ARHGEF28: variants seen among roughly 807,000 people sequenced by gnomAD.
The protein encoded by ARHGEF28 is Rho guanine nucleotide exchange factor 28.
Under a neutral mutation model 206.6 loss-of-function variants are expected in ARHGEF28, and 152 were observed. The ratio of observed to expected loss-of-function variants is 0.74; its 90% confidence interval spans 0.64 to 0.84. The LOEUF (loss-of-function observed/expected upper bound fraction) is 0.84, where lower values mean the gene tolerates loss of function less well. Ranked by LOEUF, ARHGEF28 falls within the 40% of genes least tolerant of loss-of-function variation. ARHGEF28 has a pLI of 0.00. For missense variants in ARHGEF28, 2,028 were observed against 2,073.2 expected (o/e 0.98, Z 0.42); for synonymous variants, 763 against 776.4 (o/e 0.98, Z 0.29).
intron 2 of ARHGEF28, among the ~76,000 whole-genome samples, chr5:73,718,223 AG>A (rs1226472853): frequency 6.6e-6 from 1 of 152,130 alleles, no homozygotes; most frequent in Non-Finnish European, 1.5e-5. Flanking sequence ...GACCTCCCAA[AG>A]TTATACTCAG....
At chr5:73,786,018 C>T (rs1201890784) in intron 7 of ARHGEF28, among the ~76,000 whole-genome samples, 1 of 149,768 alleles carries the variant, frequency 6.7e-6, no homozygotes, top group Non-Finnish European at 1.5e-5. Context: ...GTATTGACTG[C>T]CCATCACTTT....
At chr5:73,814,372 A>T (rs1383760239) in intron 9 of ARHGEF28, among the ~76,000 whole-genome samples, 2 of 151,972 alleles carry the variant, frequency 1.3e-5, no homozygotes, top group Non-Finnish European at 2.9e-5. Context: ...ATTCTCTCTT[A>T]CTTGCAATCC....
intron 13 of ARHGEF28, 108 bp from the exon 14 acceptor site, chr5:73,852,542 C>A: frequency 3.3e-6 from 3 of 909,220 alleles, no homozygotes; most frequent in Non-Finnish European, 5.3e-6. Flanking sequence ...TATTTTCTAG[C>A]TGGTAGTGTG....
At chr5:73,739,920 C>T (rs948384660) in intron 2 of ARHGEF28, among the ~76,000 whole-genome samples, 11 of 149,246 alleles carry the variant, frequency 7.4e-5, no homozygotes, top group African/African-American at 2.2e-4. Context: ...GTAATTCCAG[C>T]GCTTTGGGAG....
At chr5:73,916,714 G>A (rs1318437099) in intron 35 of ARHGEF28, among the ~76,000 whole-genome samples, 1 of 151,868 alleles carries the variant, frequency 6.6e-6, no homozygotes, top group African/African-American at 2.4e-5. Flanking sequence ...AATTTTGGGG[G>A]GACACAGTTC....
chr5:73,890,399 A>G (rs1270282585), intron 26 of ARHGEF28, among the ~76,000 whole-genome samples: 1 of 152,206 alleles, frequency 6.6e-6, no homozygotes, highest in Non-Finnish European at 1.5e-5. Context: ...TACATTGCAC[A>G]TTGCATCAGG....
intron 2 of ARHGEF28, among the ~76,000 whole-genome samples, chr5:73,735,576 A>C (rs13355957): frequency 0.098 from 14,882 of 152,208 alleles, 1,077 homozygotes; most frequent in African/African-American, 0.21. Context: ...CCAGAGCAGC[A>C]GGGTACTGAG....
chr5:73,851,963 G>T (rs1413473537), intron 13 of ARHGEF28, among the ~76,000 whole-genome samples: 6 of 152,204 alleles, frequency 3.9e-5, no homozygotes, highest in South Asian at 4.1e-4. Flanking sequence ...CCTGTAGATG[G>T]TGTGCTCCAC....
At chr5:73,745,993 A>C (rs1344974389) in intron 2 of ARHGEF28, among the ~76,000 whole-genome samples, 1 of 152,120 alleles carries the variant, frequency 6.6e-6, no homozygotes, top group Admixed American at 6.5e-5. Context: ...AAAAAGGTGA[A>C]TTAAATCAGC....
chr5:73,934,757 G>T (rs1378859595), intron 35 of ARHGEF28, among the ~76,000 whole-genome samples: 1 of 152,174 alleles, frequency 6.6e-6, no homozygotes, highest in Non-Finnish European at 1.5e-5. Flanking sequence ...ATACACATGA[G>T]CCTATTAAAG....
chr5:73,653,952 T>A (rs1302333911), intron 1 of ARHGEF28, among the ~76,000 whole-genome samples: 1 of 152,188 alleles, frequency 6.6e-6, no homozygotes, highest in African/African-American at 2.4e-5. Flanking sequence ...AGAAAAGGTG[T>A]ATGAAAGAAA....
chr5:73,800,326 G>GTGGATTAC (rs1408089698), intron 9 of ARHGEF28, among the ~76,000 whole-genome samples: 1 of 152,192 alleles, frequency 6.6e-6, no homozygotes, highest in African/African-American at 2.4e-5. Context: ...AATAAAGCAT[G>GTGGATTAC]TGGATTACTT....
chr5:73,909,298 A>T, intron 33 of ARHGEF28, 114 bp from the exon 34 acceptor site: 1 of 1,429,276 alleles, frequency 7.0e-7, no homozygotes, highest in Non-Finnish European at 9.3e-7. Context: ...CAGAAATATT[A>T]AGAGAAGTGA....
At chr5:73,728,685 T>C (rs545687910) in intron 2 of ARHGEF28, among the ~76,000 whole-genome samples, 1 of 152,290 alleles carries the variant, frequency 6.6e-6, no homozygotes, top group Non-Finnish European at 1.5e-5. Context: ...AGAAAACGTT[T>C]CTCATTGGAG....
At chr5:73,678,478 A>C (rs1267890538) in intron 1 of ARHGEF28, among the ~76,000 whole-genome samples, 1 of 152,236 alleles carries the variant, frequency 6.6e-6, no homozygotes, top group Non-Finnish European at 1.5e-5. Context: ...TTTTGCTGAG[A>C]TCATAGTATA....
At chr5:73,672,118 A>T (rs972855913) in intron 1 of ARHGEF28, among the ~76,000 whole-genome samples, 1 of 152,136 alleles carries the variant, frequency 6.6e-6, no homozygotes, top group African/African-American at 2.4e-5. Context: ...CTAAAAGGAA[A>T]TGTGTAATTA....
At chr5:73,873,329 A>G (rs1760231144) in intron 22 of ARHGEF28, 83 bp downstream of exon 22, 3 of 1,453,012 alleles carry the variant, frequency 2.1e-6, no homozygotes, top group Admixed American at 4.9e-5. Flanking sequence ...CAAGAGTAAA[A>G]AAAATGATAT....
chr5:73,663,352 A>G (rs1745737761), intron 1 of ARHGEF28, among the ~76,000 whole-genome samples: 1 of 152,210 alleles, frequency 6.6e-6, no homozygotes, highest in Non-Finnish European at 1.5e-5. Context: ...GGCACTAGGC[A>G]CCGAGTGCTG....
chr5:73,852,676 C>G lies in ARHGEF28; in HGVS notation c.1774C>G (p.Pro592Ala), dbSNP rs751373608. The G allele has an allele frequency of 1.1e-5, 17 of 1,613,460 alleles. No homozygotes were observed. In the East Asian group the frequency reaches 1.8e-4, roughly 17 times the overall value. ...EEQRAYSLSEPPRENRIQEEE... is the reference protein window; with the variant it reads ...EEQRAYSLSEAPRENRIQEEE... Reference sequence around the variant, plus strand: ...GCAAAGAGCTTACAGCTTATCGGAGCCACCAAGAGAAAACAGGTACTTTTA... The same window carrying G: ...GCAAAGAGCTTACAGCTTATCGGAGGCACCAAGAGAAAACAGGTACTTTTA... Residue 592 changes from proline (P) to alanine (A), a missense_variant, in exon 14 of 36, where the codon CCA becomes GCA. Around this residue, in one of 3 missense-constraint regions of ARHGEF28, gnomAD observed 1,002 missense variants for 1,015.3 expected, o/e 0.99. Coordinates refer to ENST00000513042, the MANE Select transcript of ARHGEF28 (RefSeq NM_001177693.2).
Sources: allele counts gnomAD v4.1 joint callset (sites outside exome capture counted in the v4.1 genomes callset), GRCh38; gene constraint gnomAD v4.1.1; regional missense constraint gnomAD v4.1.1; transcripts MANE v1.5; gene names NCBI Gene and HGNC (gene_info 2026-07-23, HGNC 2026-07-21).